SIPA1L1: variants seen among roughly 807,000 people sequenced by gnomAD.
The protein encoded by SIPA1L1 is signal induced proliferation associated 1 like 1, also known as signal-induced proliferation-associated 1-like protein 1.
In SIPA1L1, 26 loss-of-function variants were observed where a neutral mutation model predicts 162.7. The ratio of observed to expected loss-of-function variants is 0.16; its 90% CI spans 0.12 to 0.22. The LOEUF (loss-of-function observed/expected upper bound fraction) is 0.22, where lower values mean the gene tolerates loss of function less well. Ranked by LOEUF, SIPA1L1 falls within the 10% of genes least tolerant of loss-of-function variation. The probability of loss-of-function intolerance (pLI) is 1.00; values close to 1 mark genes in which losing one functional copy is unlikely to be tolerated. For synonymous variants in SIPA1L1, 829 were observed against 837.4 expected, an observed-to-expected ratio of 0.99 and a Z score of 0.17; for missense variants, 1,874 against 2,241.0, an observed-to-expected ratio of 0.84 and a Z score of 3.31.
At chr14:71,371,726 C>CTAT (rs1279149124) in intron 2 of SIPA1L1, among the ~76,000 whole-genome samples, 1 of 152,068 alleles carries the variant, frequency 6.6e-6, no homozygotes, top group East Asian at 1.9e-4. Context: ...ATTAAAATAT[C>CTAT]TATTATTATT....
intron 7 of SIPA1L1, among the ~76,000 whole-genome samples, chr14:71,633,132 G>GTTATA (rs1238117967): frequency 7.5e-6 from 1 of 132,588 alleles, no homozygotes; most frequent in Non-Finnish European, 1.6e-5. Context: ...GTTATGTTAT[G>GTTATA]TTATGTTATG....
intron 2 of SIPA1L1, among the ~76,000 whole-genome samples, chr14:71,457,744 G>A (rs897733347): frequency 8.6e-5 from 13 of 151,996 alleles, no homozygotes; most frequent in African/African-American, 3.1e-4. Flanking sequence ...ACAGGTGCAT[G>A]CCACCACACC....
At chr14:71,687,186 A>G (rs1041785498) in intron 13 of SIPA1L1, among the ~76,000 whole-genome samples, 3 of 152,344 alleles carry the variant, frequency 2.0e-5, no homozygotes, top group Non-Finnish European at 2.9e-5. Flanking sequence ...TTCATCCTGG[A>G]GATCTGTTTA....
chr14:71,655,177 T>C (rs935419738), intron 8 of SIPA1L1, among the ~76,000 whole-genome samples: 2 of 152,176 alleles, frequency 1.3e-5, no homozygotes, highest in African/African-American at 2.4e-5. Flanking sequence ...TATGTTCATG[T>C]GTACCCATTG....
intron 2 of SIPA1L1, among the ~76,000 whole-genome samples, chr14:71,358,658 A>G (rs1309528704): frequency 6.6e-6 from 1 of 152,196 alleles, no homozygotes; most frequent in Non-Finnish European, 1.5e-5. Flanking sequence ...TTCTTGCACT[A>G]GTATAAATAA....
chr14:71,652,880 T>C (rs2042745572), intron 8 of SIPA1L1, among the ~76,000 whole-genome samples: 2 of 152,182 alleles, frequency 1.3e-5, no homozygotes, highest in South Asian at 4.1e-4. Flanking sequence ...TAAACACATT[T>C]ATAATAGTTG....
chr14:71,543,347 C>T (rs1387420659), intron 4 of SIPA1L1, among the ~76,000 whole-genome samples: 1 of 152,208 alleles, frequency 6.6e-6, no homozygotes, highest in African/African-American at 2.4e-5. Context: ...TTGCTATCAA[C>T]ATTCTTGTAC....
intron 2 of SIPA1L1, among the ~76,000 whole-genome samples, chr14:71,494,668 A>G (rs1249369608): frequency 6.6e-6 from 1 of 151,930 alleles, no homozygotes; most frequent in African/African-American, 2.4e-5. Context: ...CTGGGACTAT[A>G]GGCACACGCA....
intron 3 of SIPA1L1, among the ~76,000 whole-genome samples, chr14:71,524,419 T>C (rs2052660733): frequency 6.6e-6 from 1 of 152,238 alleles, no homozygotes; most frequent in Non-Finnish European, 1.5e-5. Context: ...TTGTTTGCTT[T>C]TTTTATTTCG....
chr14:71,545,083 C>T (rs186228725), intron 4 of SIPA1L1, among the ~76,000 whole-genome samples: 153 of 152,224 alleles, frequency 1.0e-3, no homozygotes, highest in African/African-American at 3.2e-3. Flanking sequence ...TGGTCTCAAA[C>T]TTCTGGACTC....
chr14:71,553,464 T>C (rs1305791214), intron 4 of SIPA1L1, among the ~76,000 whole-genome samples: 1 of 151,908 alleles, frequency 6.6e-6, no homozygotes, highest in East Asian at 1.9e-4. Flanking sequence ...TTCTGCATTC[T>C]TTTTTCCTCT....
intron 7 of SIPA1L1, among the ~76,000 whole-genome samples, chr14:71,640,514 G>A (rs1035490401): frequency 6.6e-6 from 1 of 152,204 alleles, no homozygotes; most frequent in Non-Finnish European, 1.5e-5. Context: ...ACAGATCAGA[G>A]CTTTCAGTGA....
chr14:71,441,416 G>A (rs1462440828), intron 2 of SIPA1L1, among the ~76,000 whole-genome samples: 3 of 152,178 alleles, frequency 2.0e-5, no homozygotes, highest in Non-Finnish European at 2.9e-5. Flanking sequence ...CTGCCCAGAA[G>A]TTCCCAAAGG....
At chr14:71,503,053 CATCATGTCCCTGACCTCTATTGAAAA>C in intron 2 of SIPA1L1, among the ~76,000 whole-genome samples, 1 of 152,258 alleles carries the variant, frequency 6.6e-6, no homozygotes, top group South Asian at 2.1e-4. Flanking sequence ...ATTTTGTAGT[CATCATGTCCCTGACCTCTATTGAAAA>C]AATGTGCTTG....
In SIPA1L1 at chr14:71,431,993, G is replaced by A. The variant is rs2044023547; in HGVS notation, c.-464-80750G>A. ...TAGAAATAGGCTTTGACAAAAAGGA[G>A]GTGATTAAATGGTAATCAGTTGAGT... On this transcript the variant is annotated intron_variant, in intron 2 of 23. Transcript: ENST00000381232. Among the ~76,000 whole-genome samples the A allele has an allele frequency of 2.0e-5, 3 of 151,992 alleles. 1 individual carries two copies. The South Asian group carries it at 6.3e-4, about 32-fold the overall frequency.
At chr14:71,419,576 C>G (rs962223477) in intron 2 of SIPA1L1, among the ~76,000 whole-genome samples, 1 of 148,192 alleles carries the variant, frequency 6.7e-6, no homozygotes, top group Non-Finnish European at 1.5e-5. Flanking sequence ...CGGCTCACTG[C>G]AAGCTCCGCT....
chr14:71,340,961 T>A (rs952404920), intron 2 of SIPA1L1, among the ~76,000 whole-genome samples: 3 of 151,996 alleles, frequency 2.0e-5, no homozygotes, highest in African/African-American at 7.2e-5. Context: ...AAAAGTTAAG[T>A]GGTATATAAG....
intron 5 of SIPA1L1, among the ~76,000 whole-genome samples, chr14:71,605,965 A>G (rs2037444427): frequency 6.6e-6 from 1 of 151,900 alleles, no homozygotes; most frequent in Admixed American, 6.6e-5. Flanking sequence ...TAGTGGGATG[A>G]CCCTCTGAGT....
rs957080056 is a variant in SIPA1L1 at position 71,492,437 on chromosome 14, C to A, written c.-464-20306C>A. Among the ~76,000 whole-genome samples, 4 of 152,162 alleles carry A rather than the reference C, an allele frequency of 2.6e-5. No homozygotes were observed. In the South Asian group the frequency reaches 6.2e-4, roughly 24 times the overall value. ...TGTGTTCCTTTTCTTTAAGAAAAAT[C>A]TTTGATTCTGAAAGAGCTTGACAGA... On this transcript the variant is annotated intron_variant, in intron 2 of 23. Coordinates refer to ENST00000381232, the MANE Select transcript of SIPA1L1 (RefSeq NM_001386936.1).
Sources: allele counts gnomAD v4.1 joint callset (sites outside exome capture counted in the v4.1 genomes callset), GRCh38; gene constraint gnomAD v4.1.1; transcripts MANE v1.5; gene names NCBI Gene and HGNC (gene_info 2026-07-23, HGNC 2026-07-21).